CSN2: variants seen among roughly 807,000 people sequenced by gnomAD.
The protein encoded by CSN2 is beta-casein.
Under a neutral mutation model 27.3 loss-of-function variants are expected in CSN2, and 27 were observed. The ratio of observed to expected loss-of-function variants is 0.99; its 90% CI spans 0.73 to 1.36. The LOEUF (loss-of-function observed/expected upper bound fraction) is 1.36. Ranked by LOEUF, CSN2 falls within the 40% of genes most tolerant of loss-of-function variation. CSN2 has a pLI of 0.00. For synonymous variants in CSN2, 131 were observed against 94.8 expected, an observed-to-expected ratio of 1.38 and a Z score of -2.22; for missense variants, 333 against 264.5, an observed-to-expected ratio of 1.26 and a Z score of -1.80.
intron 2 of CSN2, 36 bp from the exon 3 acceptor site, chr4:69,960,115 T>G (rs749918075): frequency 3.1e-6 from 5 of 1,591,696 alleles, no homozygotes; most frequent in Non-Finnish European, 4.3e-6. Flanking sequence ...AGCTAAATCT[T>G]CTAGATCATT....
At chr4:69,962,755 A>T (rs1723640146) in intron 1 of CSN2, among the ~76,000 whole-genome samples, 1 of 152,226 alleles carries the variant, frequency 6.6e-6, no homozygotes, top group Admixed American at 6.5e-5. Context: ...TAAACTAAAG[A>T]ACTTCTGCAC....
intron 5 of CSN2, among the ~76,000 whole-genome samples, chr4:69,958,572 C>T (rs1446587295): frequency 6.6e-6 from 1 of 152,038 alleles, no homozygotes; most frequent in Non-Finnish European, 1.5e-5. Context: ...CAGCCGTATA[C>T]ACCTTTTCAT....
intron 3 of CSN2, 151 bp from the exon 4 acceptor site, chr4:69,959,220 C>T (rs772192023): frequency 7.8e-6 from 5 of 637,800 alleles, no homozygotes; most frequent in Non-Finnish European, 9.7e-6. Flanking sequence ...TCTATATGAG[C>T]TTGTTATGTA....
At chr4:69,961,258 C>G (rs866480855) in intron 1 of CSN2, among the ~76,000 whole-genome samples, 2 of 152,054 alleles carry the variant, frequency 1.3e-5, no homozygotes, top group South Asian at 4.1e-4. Context: ...TCAGATTTTT[C>G]AGCTAACAAC....
Position 69,957,638 on chromosome 4 carries a change from G to A in CSN2, c.311C>T (p.Ala104Val), listed in dbSNP as rs1454366146. 1 of 1,613,870 alleles carries A rather than the reference G, an allele frequency of 6.2e-7. No homozygotes were observed. Among genetic ancestry groups the A allele is most frequent in the Non-Finnish European group, 8.5e-7 (1 of 1,179,980 alleles). ...PQPEIMEVPKAKDTVYTKGRV... is the reference protein window; with the variant it reads ...PQPEIMEVPKVKDTVYTKGRV... ...GCCCTTAGTGTAGACAGTGTCTTTA[G>A]CTTTAGGGACTTCCATTATTTCAGG... Residue 104 changes from alanine to valine, a missense_variant, in exon 6 of 8, where the codon GCT becomes GTT. Physicochemically the swap from Ala to Val is moderately conservative, Grantham distance 64. Transcript: ENST00000353151.
intron 1 of CSN2, among the ~76,000 whole-genome samples, chr4:69,962,022 A>C (rs1271363939): frequency 6.6e-6 from 1 of 152,186 alleles, no homozygotes; most frequent in Non-Finnish European, 1.5e-5. Flanking sequence ...AATCCAACTT[A>C]CAAGGGATGA....
Position 69,960,973 on chromosome 4 carries a change from C to A in CSN2, c.23G>T (p.Cys8Phe), listed in dbSNP as rs1173647859. The A allele has an allele frequency of 6.2e-7, 1 of 1,612,714 alleles. No homozygotes were observed. Among genetic ancestry groups the A allele is most frequent in the Admixed American group, 1.7e-5 (1 of 59,834 alleles). MKVLILA[C>F]LVALALARET... ...CCTTGCAAGAGCAAGAGCCACCAGG[C>A]AGGCGAGGATGAGGACCTTCATGGC... Residue 8 changes from cysteine (C) to phenylalanine (F), a missense_variant, in exon 2 of 8, where the codon TGC becomes TTC. Transcript: ENST00000353151.
chr4:69,957,834 C>G, intron 5 of CSN2, 30 bp from the exon 6 acceptor site: 1 of 1,577,136 alleles, frequency 6.3e-7, no homozygotes, highest in Non-Finnish European at 8.6e-7. Flanking sequence ...ATCTTTGAGT[C>G]CTTGATTAAG....
chr4:69,955,842 A>C (rs1038326143), intron 7 of CSN2, among the ~76,000 whole-genome samples: 20 of 152,062 alleles, frequency 1.3e-4, no homozygotes, highest in Non-Finnish European at 2.6e-4. Flanking sequence ...ATATCTTAGA[A>C]TTGCAATGCT....
chr4:69,960,236 A>G (rs902493009), intron 2 of CSN2, among the ~76,000 whole-genome samples, 157 bp from the exon 3 acceptor site: 10 of 152,130 alleles, frequency 6.6e-5, no homozygotes, highest in African/African-American at 1.2e-4. Flanking sequence ...TTCAACTTCT[A>G]TAGCTAACTC....
chr4:69,957,597 G>A lies in CSN2; in HGVS notation c.352C>T (p.Leu118Phe), dbSNP rs1009057209. 4 of 1,613,850 alleles carry A rather than the reference G, an allele frequency of 2.5e-6. No individual in the cohort carries two copies. Among genetic ancestry groups the A allele is most frequent in the African/African-American group, 2.7e-5 (2 of 74,898 alleles). The change falls in exon 6 of 8, where the codon CTT (leucine) becomes TTT (phenylalanine). Residue 118 changes from leucine (L) to phenylalanine (F), a missense_variant. Coordinates refer to ENST00000353151, the MANE Select transcript of CSN2 (RefSeq NM_001891.4). ...VYTKGRVMPV[L>F]KSPTIPFFDP... is the part of the protein sequence containing the mutation. ...AAAAAGGGTATCGTTGGAGATTTAA[G>A]GACAGGCATCACTCTGCCCTTAGTG...
rs892127636 is a variant in CSN2 at position 69,960,073 on chromosome 4, C to G, written c.58G>C (p.Glu20Gln). Residue 20 changes from glutamate to glutamine, a missense_variant, in exon 3 of 8, where the codon GAA (glutamate) becomes CAA (glutamine). Coordinates refer to ENST00000353151, the MANE Select transcript of CSN2 (RefSeq NM_001891.4). ...CTTACCTCACTGCTTGAAAGGCTTT[C>G]TATGGTCTGTGGGAAAAAAAAATTG... ...VALALARETI[E>Q]SLSSSEESIT... 1.9e-6 allele frequency: 3 copies of G among 1,611,230 alleles called. No individual in the cohort carries two copies. The highest frequency in any genetic ancestry group is 1.7e-6 in the Non-Finnish European group (2 of 1,178,446).
At chr4:69,959,899 G>A (rs1451622183) in intron 3 of CSN2, among the ~76,000 whole-genome samples, 154 bp downstream of exon 3, 1 of 151,616 alleles carries the variant, frequency 6.6e-6, no homozygotes, top group Non-Finnish European at 1.5e-5. Flanking sequence ...GTATTATCCA[G>A]ATACTTATTG....
At chr4:69,965,101 A>G (rs1014531091) in intron 1 of CSN2, among the ~76,000 whole-genome samples, 1 of 151,302 alleles carries the variant, frequency 6.6e-6, no homozygotes, top group Non-Finnish European at 1.5e-5. Context: ...GTTTTGAAAT[A>G]TTACAAACTA....
intron 2 of CSN2, among the ~76,000 whole-genome samples, chr4:69,960,450 A>C (rs957851035): frequency 6.6e-6 from 1 of 150,722 alleles, no homozygotes; most frequent in Non-Finnish European, 1.5e-5. Context: ...AAGAAGAGTC[A>C]CTTTAATTTG....
chr4:69,961,278 A>G (rs1723570836), intron 1 of CSN2, among the ~76,000 whole-genome samples: 1 of 152,078 alleles, frequency 6.6e-6, no homozygotes, highest in South Asian at 2.1e-4. Context: ...CTCTATCCCC[A>G]CTTTTAAAAA....
chr4:69,956,218 A>T (rs981907251), intron 7 of CSN2, 96 bp downstream of exon 7: 19 of 856,710 alleles, frequency 2.2e-5, no homozygotes, highest in Non-Finnish European at 3.0e-5. Context: ...GTATGTATGA[A>T]ATTTTCACTG....
Position 69,957,494 on chromosome 4 carries a change from T to C in CSN2, c.455A>G (p.Gln152Arg). ...AGTCTGAGGAATAGGCTGAGGGACCTGCTGCATCAAGGGCTGGAGCAGAGG... is the reference window on the plus strand; with the variant it reads ...AGTCTGAGGAATAGGCTGAGGGACCCGCTGCATCAAGGGCTGGAGCAGAGG... ...PLPLLQPLMQ[Q>R]VPQPIPQTLA... The change falls in exon 6 of 8, where the codon CAG (glutamine) becomes CGG (arginine). Residue 152 changes from glutamine (Q) to arginine (R), a missense_variant. Transcript: ENST00000353151. The C allele has an allele frequency of 1.9e-6, 3 of 1,613,896 alleles. No individual in the cohort carries two copies. Among genetic ancestry groups the C allele is most frequent in the Non-Finnish European group, 2.5e-6 (3 of 1,179,980 alleles).
chr4:69,962,550 G>A (rs924299837), intron 1 of CSN2, among the ~76,000 whole-genome samples: 27 of 152,106 alleles, frequency 1.8e-4, no homozygotes, highest in African/African-American at 5.8e-4. Context: ...AGCTGAAACC[G>A]GGTCCCTTCC....
Sources: gnomAD v4.1 joint callset for allele counts (sites outside exome capture counted in the v4.1 genomes callset) on GRCh38, gnomAD v4.1.1 for gene constraint, MANE v1.5 for transcripts, NCBI Gene and HGNC (gene_info 2026-07-23, HGNC 2026-07-21) for gene names.